NUP133: variants seen among roughly 807,000 people sequenced by gnomAD.
The protein encoded by NUP133 is nucleoporin 133.
NUP133 carries 66 observed loss-of-function variants against 146.2 expected under a neutral mutation model. That is an observed-to-expected ratio of 0.45 (90% CI 0.37 to 0.55). NUP133 has a LOEUF of 0.55. Ranked by LOEUF, NUP133 falls within the 20% of genes least tolerant of loss-of-function variation. NUP133 has a pLI of 0.00. For missense variants in NUP133, 1,277 were observed against 1,374.8 expected (o/e 0.93, Z 1.12); for synonymous variants, 521 against 498.8 (o/e 1.04, Z -0.59).
At chr1:229,455,263 T>A (rs999305005) in intron 21 of NUP133, among the ~76,000 whole-genome samples, 1 of 152,164 alleles carries the variant, frequency 6.6e-6, no homozygotes, top group Non-Finnish European at 1.5e-5. Context: ...CAATTTTTAT[T>A]TTGAAAAATT....
Position 229,464,754 on chromosome 1 carries a change from G to T in NUP133, c.2421C>A (p.Ala807=). 6.2e-7 allele frequency: 1 copy of T among 1,614,124 alleles called. No individual in the cohort carries two copies. ...AACCATCCAGGAAGCAATCGATCAG[G>T]GCTACCAGCTGCTCGGTCACGATGT... The part of the protein sequence containing the change: ...LRNIVTEQLV[A]LIDCFLDGYV... Residue 807 remains alanine, a synonymous_variant, in exon 18 of 26, where the codon GCC becomes GCA. Transcript: ENST00000261396.
intron 4 of NUP133, among the ~76,000 whole-genome samples, chr1:229,500,211 TTTTTA>T (rs1201702249): frequency 8.5e-5 from 13 of 152,052 alleles, no homozygotes; most frequent in Admixed American, 3.9e-4. Context: ...ACGCTTTAAA[TTTTTA>T]TTTTATTTTA....
At chr1:229,499,256 G>A (rs1192301635) in intron 5 of NUP133, 1 of 470,612 alleles carries the variant, frequency 2.1e-6, no homozygotes, top group Non-Finnish European at 4.4e-6. Flanking sequence ...TCTTTATAGT[G>A]TCTGACAGTT....
At chr1:229,499,280 TATAAA>T (rs559334284) in intron 5 of NUP133, 94 of 468,318 alleles carry the variant, frequency 2.0e-4, no homozygotes, top group Non-Finnish European at 3.7e-4. Flanking sequence ...AAGCCAATCT[TATAAA>T]ATGTTTCTAA....
At chr1:229,474,492 T>C (rs1370048362) in intron 14 of NUP133, among the ~76,000 whole-genome samples, 1 of 152,252 alleles carries the variant, frequency 6.6e-6, no homozygotes, top group East Asian at 1.9e-4. Context: ...AGATAAACCA[T>C]GCACAAAATT....
chr1:229,457,702 G>C lies in NUP133; in HGVS notation c.2980+459C>G, dbSNP rs1660600822. On this transcript the variant is annotated intron_variant, in intron 21 of 25. Transcript: ENST00000261396. ...AATTCTTTTTTCCCCAAATATTTTTGATGTTTGGTCGAATCTGCAGATGTG... is the reference window on the plus strand; with the variant it reads ...AATTCTTTTTTCCCCAAATATTTTTCATGTTTGGTCGAATCTGCAGATGTG... 2.0e-5 allele frequency among the ~76,000 whole-genome samples: 3 copies of C among 151,380 alleles called. No homozygotes were observed. The South Asian group carries it at 6.2e-4, about 31-fold the overall frequency.
At chr1:229,501,895 T>G (rs961170984) in intron 3 of NUP133, 104 bp downstream of exon 3, 1 of 765,030 alleles carries the variant, frequency 1.3e-6, no homozygotes, top group Non-Finnish European at 2.2e-6. Flanking sequence ...CCTAAGTAGT[T>G]TCCTATTGAC....
intron 14 of NUP133, among the ~76,000 whole-genome samples, chr1:229,472,882 C>G (rs944121003): frequency 6.6e-6 from 1 of 151,788 alleles, no homozygotes; most frequent in East Asian, 1.9e-4. Context: ...ACTTCCACCC[C>G]CTTCAGAATG....
At chr1:229,447,959 A>T (rs1207887721) in intron 24 of NUP133, among the ~76,000 whole-genome samples, 1 of 152,198 alleles carries the variant, frequency 6.6e-6, no homozygotes, top group East Asian at 1.9e-4. Flanking sequence ...GTGGTAAAGA[A>T]GCCAGCCAAA....
chr1:229,502,331 G>A (rs900866694), intron 2 of NUP133, among the ~76,000 whole-genome samples: 2 of 151,942 alleles, frequency 1.3e-5, no homozygotes, highest in Non-Finnish European at 2.9e-5. Flanking sequence ...AGGCCGAGGT[G>A]GGAGGATCAC....
At chr1:229,502,166 A>AT (rs988585170) in intron 2 of NUP133, 64 bp from the exon 3 acceptor site, 1 of 1,262,146 alleles carries the variant, frequency 7.9e-7, no homozygotes, top group African/African-American at 1.5e-5. Context: ...CACACGCTTT[A>AT]TCAAAAAAAA....
At chr1:229,465,549 G>C in intron 16 of NUP133, 30 bp from the exon 17 acceptor site, 1 of 1,410,118 alleles carries the variant, frequency 7.1e-7, no homozygotes, top group Non-Finnish European at 1.0e-6. Flanking sequence ...GTTATCACAT[G>C]CAAAAGGTGA....
At chr1:229,463,015 TATA>T (rs1414792942) in intron 19 of NUP133, among the ~76,000 whole-genome samples, 3 of 152,242 alleles carry the variant, frequency 2.0e-5, no homozygotes, top group East Asian at 1.9e-4. Context: ...TAAGTACTTT[TATA>T]ATAACTAGAA....
chr1:229,485,126 C>T (rs1361931926), intron 11 of NUP133, among the ~76,000 whole-genome samples: 3 of 152,010 alleles, frequency 2.0e-5, no homozygotes, highest in African/African-American at 7.2e-5. Flanking sequence ...TAATTTTTAC[C>T]TGGCTATTCC....
chr1:229,502,256 GATCT>G (rs1416440510), intron 2 of NUP133, among the ~76,000 whole-genome samples, 154 bp from the exon 3 acceptor site: 1 of 152,002 alleles, frequency 6.6e-6, no homozygotes, highest in African/African-American at 2.4e-5. Flanking sequence ...AAAAACAATA[GATCT>G]ATTAACTCTG....
At chr1:229,448,958 A>ACATT in intron 24 of NUP133, 168 bp downstream of exon 24, 1 of 627,940 alleles carries the variant, frequency 1.6e-6, no homozygotes, top group South Asian at 1.9e-5. Flanking sequence ...AAATTAAAGG[A>ACATT]CATTCAGCTG....
chr1:229,465,790 T>G (rs1660796343), intron 16 of NUP133, among the ~76,000 whole-genome samples: 1 of 149,878 alleles, frequency 6.7e-6, no homozygotes, highest in Admixed American at 6.8e-5. Context: ...CTTGGGAGAC[T>G]GAGGCAGGAG....
In NUP133 at chr1:229,499,737, C is replaced by T. The variant is rs141588559; in HGVS notation, c.595G>A (p.Ala199Thr). Residue 199 changes from alanine (A) to threonine (T), a missense_variant, in exon 5 of 26, where the codon GCT becomes ACT. Around this residue, in one of 3 missense-constraint regions of NUP133, gnomAD observed 319 missense variants for 306.9 expected, o/e 1.04. Coordinates refer to ENST00000261396, the MANE Select transcript of NUP133 (RefSeq NM_018230.3). The stretch of plus-strand genomic sequence containing the variant: ...TTATCACCTCCCGAATCTACAAAAG[C>T]CTCTGTGTAGGTATCTTCACCAGCA... The part of the protein sequence containing the change: ...SLAGEDTYTE[A>T]FVDSGGDKTY... 5.7e-4 allele frequency: 915 copies of T among 1,614,124 alleles called. 6 individuals carry two copies. The African/African-American group carries it at 0.011, about 20-fold the overall frequency.
intron 2 of NUP133, among the ~76,000 whole-genome samples, chr1:229,502,344 G>A (rs1661822423): frequency 1.3e-5 from 2 of 151,980 alleles, no homozygotes; most frequent in South Asian, 4.1e-4. Context: ...AGGATCACGA[G>A]GTCAGGAGAT....
Sources: allele counts gnomAD v4.1 joint callset (sites outside exome capture counted in the v4.1 genomes callset), GRCh38; gene constraint gnomAD v4.1.1; regional missense constraint gnomAD v4.1.1; transcripts MANE v1.5; gene names NCBI Gene and HGNC (gene_info 2026-07-23, HGNC 2026-07-21).